The following GPR158 variants were observed in gnomAD, a reference collection of about 807,000 sequenced individuals.
GPR158 encodes the protein metabotropic glycine receptor.
Under a neutral mutation model 78.2 loss-of-function variants are expected in GPR158, and 30 were observed. The ratio of observed to expected loss-of-function variants is 0.38; its 90% CI spans 0.29 to 0.52. The LOEUF (loss-of-function observed/expected upper bound fraction) is 0.52. Among genes scored for constraint, GPR158 ranks in the 20% least tolerant of loss-of-function variants. The pLI is 0.83. For missense variants in GPR158, 1,463 were observed against 1,523.5 expected, an observed-to-expected ratio of 0.96 and a Z score of 0.66; for synonymous variants, 581 against 591.1, an observed-to-expected ratio of 0.98 and a Z score of 0.25.
In GPR158 at chr10:25,444,360, G is replaced by A. The variant is rs575403245; in HGVS notation, c.1336-22291G>A. Among the ~76,000 whole-genome samples, 379 of 151,770 alleles carry A rather than the reference G, an allele frequency of 2.5e-3. 4 individuals are homozygous for A. Among genetic ancestry groups the A allele is most frequent in the Non-Finnish European group, 3.5e-3 (240 of 67,890 alleles). On this transcript the variant is annotated intron_variant, in intron 4 of 10. Transcript: ENST00000376351. ...GGGTTGTATGTGTGGAAGTGTATGC[G>A]TGCGGTAGTTGTGTGTGGTAGGTGT...
intron 4 of GPR158, among the ~76,000 whole-genome samples, chr10:25,452,908 G>A (rs550858823): frequency 2.1e-4 from 32 of 152,208 alleles, no homozygotes; most frequent in Non-Finnish European, 3.7e-4. Context: ...AGCCCCTGCA[G>A]CCACCATTCT....
At chr10:25,579,664 G>A (rs11014624) in intron 7 of GPR158, among the ~76,000 whole-genome samples, 5 of 152,188 alleles carry the variant, frequency 3.3e-5, no homozygotes, top group African/African-American at 1.2e-4. Flanking sequence ...TGATAGCATC[G>A]AGGACATTTA....
In GPR158 at chr10:25,510,152, A is replaced by G. The variant is rs180706994; in HGVS notation, c.1405-40824A>G. On this transcript the variant is annotated intron_variant, in intron 5 of 10. Transcript: ENST00000376351. ...GAAGAGCATGTGGGATGAGACATAG[A>G]TCAGTGTGCTCATCTTTGGAAAATA... 1.7e-3 allele frequency among the ~76,000 whole-genome samples: 264 copies of G among 152,332 alleles called. 2 individuals are homozygous for G. The highest frequency in any genetic ancestry group is 5.9e-3 in the African/African-American group (247 of 41,582).
intron 4 of GPR158, among the ~76,000 whole-genome samples, chr10:25,460,155 C>CATATAATATATATGCAAT: frequency 6.6e-6 from 1 of 151,626 alleles, no homozygotes; most frequent in South Asian, 2.1e-4. Context: ...AGACTTATTG[C>CATATAATATATATGCAAT]ATAATATTTG....
intron 6 of GPR158, among the ~76,000 whole-genome samples, chr10:25,561,452 T>C (rs1013560023): frequency 1.3e-5 from 2 of 152,212 alleles, no homozygotes; most frequent in East Asian, 1.9e-4. Context: ...TCTGGCTTCT[T>C]CTTGATCTTC....
chr10:25,376,714 T>C (rs1834086182), intron 2 of GPR158, among the ~76,000 whole-genome samples: 1 of 151,742 alleles, frequency 6.6e-6, no homozygotes, highest in Admixed American at 6.6e-5. Context: ...TCTAGATTTC[T>C]GAAAATATCT....
intron 2 of GPR158, among the ~76,000 whole-genome samples, chr10:25,332,514 C>T (rs1224989518): frequency 6.6e-6 from 1 of 152,126 alleles, no homozygotes; most frequent in Non-Finnish European, 1.5e-5. Context: ...GAACATGGCA[C>T]ACAACTCAAC....
intron 2 of GPR158, among the ~76,000 whole-genome samples, chr10:25,232,128 CAG>C (rs775023230): frequency 1.1e-4 from 17 of 148,022 alleles, no homozygotes; most frequent in Middle Eastern, 3.2e-3. Context: ...TGGAGCCAAT[CAG>C]GGGGAAAAAA....
At chr10:25,268,321 T>C (rs1452489315) in intron 2 of GPR158, among the ~76,000 whole-genome samples, 1 of 152,172 alleles carries the variant, frequency 6.6e-6, no homozygotes, top group Non-Finnish European at 1.5e-5. Flanking sequence ...AGGATCTATC[T>C]GTGAGCGTGC....
chr10:25,525,324 C>T (rs1340041661), intron 5 of GPR158, among the ~76,000 whole-genome samples: 3 of 152,152 alleles, frequency 2.0e-5, no homozygotes, highest in Non-Finnish European at 1.5e-5. Flanking sequence ...AACACTTACA[C>T]ATGAATCTTC....
At chr10:25,292,536 A>G (rs947838501) in intron 2 of GPR158, among the ~76,000 whole-genome samples, 1 of 152,106 alleles carries the variant, frequency 6.6e-6, no homozygotes, top group African/African-American at 2.4e-5. Context: ...TCATTAGATT[A>G]TTCGCTCTAT....
chr10:25,504,979 C>G (rs1288271066), intron 5 of GPR158, among the ~76,000 whole-genome samples: 6 of 152,150 alleles, frequency 3.9e-5, no homozygotes, highest in African/African-American at 1.4e-4. Flanking sequence ...ACTAGCTGTG[C>G]AGTCTTAGGA....
chr10:25,274,606 G>A (rs1455108539), intron 2 of GPR158, among the ~76,000 whole-genome samples: 1 of 152,094 alleles, frequency 6.6e-6, no homozygotes, highest in Non-Finnish European at 1.5e-5. Context: ...ATATTCTTTT[G>A]AGGTCAGAAT....
intron 2 of GPR158, among the ~76,000 whole-genome samples, chr10:25,285,268 TACAC>T (rs151075928): frequency 6.6e-6 from 1 of 151,862 alleles, no homozygotes; most frequent in Non-Finnish European, 1.5e-5. Context: ...TCTCTCTCTC[TACAC>T]ACACACACGT....
chr10:25,255,981 G>T (rs1191635221), intron 2 of GPR158, among the ~76,000 whole-genome samples: 1 of 152,146 alleles, frequency 6.6e-6, no homozygotes, highest in Non-Finnish European at 1.5e-5. Flanking sequence ...TCTACCTTCT[G>T]CATATGCCAT....
intron 5 of GPR158, among the ~76,000 whole-genome samples, chr10:25,537,541 T>C (rs1050980864): frequency 4.6e-5 from 7 of 152,138 alleles, no homozygotes; most frequent in Non-Finnish European, 1.0e-4. Flanking sequence ...TTGTGTGTTA[T>C]GTATATACAC....
chr10:25,402,576 A>C (rs901927975), intron 3 of GPR158, among the ~76,000 whole-genome samples: 11 of 152,162 alleles, frequency 7.2e-5, no homozygotes, highest in African/African-American at 2.2e-4. Context: ...TCCTATACTC[A>C]CATGGTTCAG....
At chr10:25,554,249 A>G (rs941582356) in intron 6 of GPR158, among the ~76,000 whole-genome samples, 1 of 152,190 alleles carries the variant, frequency 6.6e-6, no homozygotes, top group East Asian at 1.9e-4. Context: ...GTTTTAAAAA[A>G]TTAAAAGTAA....
At chr10:25,485,183 G>A (rs567385362) in intron 5 of GPR158, among the ~76,000 whole-genome samples, 3 of 151,556 alleles carry the variant, frequency 2.0e-5, no homozygotes, top group East Asian at 1.9e-4. Context: ...CAAAGATATT[G>A]GAAAAAATTG....
Sources: allele counts gnomAD v4.1 joint callset (sites outside exome capture counted in the v4.1 genomes callset), GRCh38; gene constraint gnomAD v4.1.1; transcripts MANE v1.5; gene names NCBI Gene and HGNC (gene_info 2026-07-23, HGNC 2026-07-21).